Variants in EPM2A observed in about 807,000 individuals in gnomAD.
The protein encoded by EPM2A is EPM2A glucan phosphatase, laforin.
Under a neutral mutation model 26.5 loss-of-function variants are expected in EPM2A, and 21 were observed. The ratio of observed to expected loss-of-function variants is 0.79; its 90% CI spans 0.56 to 1.14. EPM2A has a LOEUF of 1.14. EPM2A is among the 50% of genes most tolerant of loss of function. EPM2A has a pLI of 0.00. For synonymous variants in EPM2A, 217 were observed against 177.6 expected (o/e 1.22, Z -1.76); for missense variants, 458 against 440.8 (o/e 1.04, Z -0.35).
At chr6:145,565,957 G>A (rs1318722376) in intron 2 of EPM2A, among the ~76,000 whole-genome samples, 1 of 152,192 alleles carries the variant, frequency 6.6e-6, no homozygotes, top group Admixed American at 6.5e-5. Context: ...CTAAGGCAAT[G>A]TTTGGATCAG....
At chr6:145,503,390 CAA>C (rs1779923106) in intron 2 of EPM2A, among the ~76,000 whole-genome samples, 1 of 136,924 alleles carries the variant, frequency 7.3e-6, no homozygotes, top group East Asian at 2.1e-4. Context: ...GCAACTTCAG[CAA>C]AGTCTCAGGA....
At chr6:145,614,786 A>G (rs1775469668) in intron 2 of EPM2A, among the ~76,000 whole-genome samples, 1 of 152,246 alleles carries the variant, frequency 6.6e-6, no homozygotes, top group Admixed American at 6.5e-5. Flanking sequence ...AACATCAAAC[A>G]TCACAGATCA....
rs1489336329 is a variant in EPM2A at position 145,501,874 on chromosome 6, G to A, written c.395-27C>T. 8.5e-6 allele frequency: 4 copies of A among 471,064 alleles called. No individual in the cohort carries two copies. In the Admixed American group the frequency reaches 9.4e-5, roughly 11 times the overall value. The allele number at this position is 471,064 out of a possible 1,614,324, so 29.2% of individuals were successfully genotyped here. A position where few individuals can be genotyped will look rare whatever the true frequency, so the allele number is the denominator to read the frequency against. ...TAAAAGAAGACAGGGATAGATACAGGTAGAGGTGACAATTGTCATTGTTAT... is the reference window on the plus strand; with the variant it reads ...TAAAAGAAGACAGGGATAGATACAGATAGAGGTGACAATTGTCATTGTTAT... On this transcript the variant is annotated intron_variant, in intron 3 of 3. Transcript: ENST00000450221.
At chr6:145,525,215 T>TTTTATTTATTTATTTA (rs71552932) in intron 2 of EPM2A, among the ~76,000 whole-genome samples, 4 of 146,978 alleles carry the variant, frequency 2.7e-5, no homozygotes, top group Non-Finnish European at 6.0e-5. Context: ...ATGCCTTCAA[T>TTTTATTTATTTATTTA]TTTATTTATT....
chr6:145,719,074 C>G (rs1245081528), intron 1 of EPM2A, among the ~76,000 whole-genome samples: 322 of 152,164 alleles, frequency 2.1e-3, no homozygotes, highest in Middle Eastern at 6.8e-3. Context: ...CGATTCCTCA[C>G]GGATCTAGAA....
chr6:145,685,278 A>T (rs1780825570), intron 2 of EPM2A, among the ~76,000 whole-genome samples: 1 of 152,188 alleles, frequency 6.6e-6, no homozygotes, highest in Non-Finnish European at 1.5e-5. Context: ...GGAACAAAAA[A>T]AATCTCTACT....
intron 4 of EPM2A, among the ~76,000 whole-genome samples, chr6:145,446,407 T>C (rs1047675931): frequency 6.6e-6 from 1 of 151,472 alleles, no homozygotes; most frequent in Non-Finnish European, 1.5e-5. Flanking sequence ...TCATTTGTTT[T>C]TTCTCTTGGT....
intron 2 of EPM2A, among the ~76,000 whole-genome samples, chr6:145,619,290 T>C (rs919003822): frequency 1.3e-5 from 2 of 152,216 alleles, no homozygotes; most frequent in Admixed American, 6.5e-5. Context: ...ATCATTACTA[T>C]AGACGATGAT....
At chr6:145,504,234 A>C (rs1031565960) in intron 2 of EPM2A, among the ~76,000 whole-genome samples, 1 of 122,414 alleles carries the variant, frequency 8.2e-6, no homozygotes, top group East Asian at 2.7e-4. Context: ...AAAAGCCAAA[A>C]TTGACAAATG....
At position 145,595,640 on chromosome 6, in the gene EPM2A, A is replaced by C. The variant is rs181288835; in HGVS notation, c.340+39605T>G. Among the ~76,000 whole-genome samples, 6 of 151,870 alleles carry C rather than the reference A, an allele frequency of 4.0e-5. No individual in the cohort carries two copies. In the East Asian group the frequency reaches 1.2e-3, roughly 29 times the overall value. ...TGCTCTTTTAAATTATATATATGGGAGGGTTTAGCCAATTATGATTCTCAA... is the reference window on the plus strand; with the variant it reads ...TGCTCTTTTAAATTATATATATGGGCGGGTTTAGCCAATTATGATTCTCAA... On this transcript the variant is annotated intron_variant, in intron 2 of 3. Coordinates refer to the EPM2A transcript ENST00000450221.
At chr6:145,446,364 A>G (rs1779128831) in intron 4 of EPM2A, among the ~76,000 whole-genome samples, 1 of 152,206 alleles carries the variant, frequency 6.6e-6, no homozygotes, top group South Asian at 2.1e-4. Context: ...CTGAAACACT[A>G]TGATAACTAG....
intron 4 of EPM2A, among the ~76,000 whole-genome samples, chr6:145,480,381 G>C (rs1582788106): frequency 1.3e-5 from 2 of 151,996 alleles, no homozygotes; most frequent in East Asian, 3.9e-4. Context: ...TCACAAGAAC[G>C]ATCCAATCAT....
At chr6:145,396,147 G>C (rs62437910) in intron 4 of EPM2A, among the ~76,000 whole-genome samples, 3 of 152,116 alleles carry the variant, frequency 2.0e-5, no homozygotes, top group Non-Finnish European at 4.4e-5. Flanking sequence ...CATTATCAAA[G>C]TCCAGAGACA....
chr6:145,564,682 G>T (rs1322013422), intron 2 of EPM2A, among the ~76,000 whole-genome samples: 1 of 150,894 alleles, frequency 6.6e-6, no homozygotes, highest in Non-Finnish European at 1.5e-5. Context: ...GTATGGAGAT[G>T]GCCTCAGGCT....
intron 2 of EPM2A, among the ~76,000 whole-genome samples, chr6:145,666,823 T>A (rs1246604233): frequency 2.7e-5 from 4 of 150,838 alleles, no homozygotes; most frequent in Non-Finnish European, 5.9e-5. Context: ...GAGTTATAGA[T>A]CAATGGAACA....
intron 4 of EPM2A, among the ~76,000 whole-genome samples, chr6:145,406,996 G>A (rs1778578060): frequency 6.6e-6 from 1 of 152,122 alleles, no homozygotes; most frequent in Admixed American, 6.6e-5. Flanking sequence ...AGTTCTGTGG[G>A]GAAGGAGTTA....
intron 1 of EPM2A, among the ~76,000 whole-genome samples, chr6:145,700,652 T>G (rs2128625023): frequency 6.6e-6 from 1 of 152,278 alleles, no homozygotes; most frequent in East Asian, 1.9e-4. Context: ...GTGTCCAACA[T>G]TTAGTTGCAG....
intron 2 of EPM2A, among the ~76,000 whole-genome samples, chr6:145,529,327 T>C (rs1053379275): frequency 6.6e-6 from 1 of 152,134 alleles, no homozygotes; most frequent in African/African-American, 2.4e-5. Flanking sequence ...GATAAATCTT[T>C]TATGAAAGGA....
rs12110541 is a variant in EPM2A at position 145,673,162 on chromosome 6, A to G, written c.476+12960T>C. Among the ~76,000 whole-genome samples the G allele has an allele frequency of 5.9e-3, 892 of 152,352 alleles. 8 individuals are homozygous for G. The highest frequency in any genetic ancestry group is 0.02 in the African/African-American group (852 of 41,592). ...AAAAACAATTGTTTGCTGTCTCCCT[A>G]GAAATAATCTAACCATGATAAAAAC... On this transcript the variant is annotated intron_variant, in intron 2 of 3. Coordinates refer to ENST00000367519, the MANE Select transcript of EPM2A (RefSeq NM_005670.4).
Sources: allele counts gnomAD v4.1 joint callset (sites outside exome capture counted in the v4.1 genomes callset), GRCh38; gene constraint gnomAD v4.1.1; transcripts MANE v1.5; gene names NCBI Gene and HGNC (gene_info 2026-07-23, HGNC 2026-07-21).